RBFOX1: variants seen among roughly 807,000 people sequenced by gnomAD.
RBFOX1 encodes RNA binding fox-1 homolog 1, also known as RNA binding protein fox-1 homolog 1.
A neutral mutation model predicts 57.7 loss-of-function variants in RBFOX1; 8 were observed. That is an observed-to-expected ratio of 0.14 (90% CI 0.08 to 0.25). The LOEUF (loss-of-function observed/expected upper bound fraction) is 0.25. Among genes scored for constraint, RBFOX1 ranks in the 10% least tolerant of loss-of-function variants. The pLI is 1.00. For missense variants in RBFOX1, 611 were observed against 548.5 expected, an observed-to-expected ratio of 1.11 and a Z score of -1.14; for synonymous variants, 326 against 222.4, an observed-to-expected ratio of 1.47 and a Z score of -4.15.
At chr16:6,493,582 C>T (rs115280561) in intron 2 of RBFOX1, among the ~76,000 whole-genome samples, 2 of 152,068 alleles carry the variant, frequency 1.3e-5, no homozygotes, top group African/African-American at 4.8e-5. Context: ...GCCGAATTTC[C>T]CACTGTGAAA....
intron 4 of RBFOX1, among the ~76,000 whole-genome samples, chr16:5,878,450 A>G (rs2057673836): frequency 6.6e-6 from 1 of 152,232 alleles, no homozygotes; most frequent in Non-Finnish European, 1.5e-5. Context: ...CCATATGGCT[A>G]GTAGGCAAAG....
intron 3 of RBFOX1, among the ~76,000 whole-genome samples, chr16:6,854,654 G>T (rs1351483721): frequency 7.1e-6 from 1 of 141,682 alleles, no homozygotes; most frequent in East Asian, 2.1e-4. Context: ...GAGTGCAGTG[G>T]CGCTATCTGG....
intron 2 of RBFOX1, among the ~76,000 whole-genome samples, chr16:6,522,328 G>A (rs972626152): frequency 6.6e-6 from 1 of 152,102 alleles, no homozygotes; most frequent in Non-Finnish European, 1.5e-5. Flanking sequence ...TTCCAGAGAT[G>A]ATATTTGTTA....
chr16:6,256,301 A>G (rs150630465), intron 1 of RBFOX1, among the ~76,000 whole-genome samples: 9,483 of 135,002 alleles, frequency 0.07, 814 homozygotes, highest in African/African-American at 0.19. Flanking sequence ...ATATATATGT[A>G]TATATATATA....
At chr16:5,911,494 C>G (rs975262480) in intron 4 of RBFOX1, among the ~76,000 whole-genome samples, 2 of 152,194 alleles carry the variant, frequency 1.3e-5, no homozygotes, top group African/African-American at 4.8e-5. Flanking sequence ...TCTTTACTAA[C>G]AGAGAGCTCG....
chr16:5,259,126 G>A (rs1309499769), intron 1 of RBFOX1, among the ~76,000 whole-genome samples: 1 of 152,018 alleles, frequency 6.6e-6, no homozygotes, highest in Non-Finnish European at 1.5e-5. Context: ...TGGAAATAGT[G>A]CACATGGAGT....
At chr16:5,329,661 A>G (rs1315039132) in intron 1 of RBFOX1, among the ~76,000 whole-genome samples, 1 of 152,240 alleles carries the variant, frequency 6.6e-6, no homozygotes. Flanking sequence ...CTTATAAACA[A>G]TAGAAATTCA....
At position 6,846,010 on chromosome 16, in the gene RBFOX1, G is replaced by T. The variant is rs762733058; in HGVS notation, c.-16+191360G>T. 5.1e-4 allele frequency among the ~76,000 whole-genome samples: 77 copies of T among 152,192 alleles called. 2 individuals are homozygous for T. Among genetic ancestry groups the T allele is most frequent in the Admixed American group, 2.6e-4 (4 of 15,282 alleles). On this transcript the variant is annotated intron_variant, in intron 3 of 15. Coordinates refer to ENST00000550418, the MANE Select transcript of RBFOX1 (RefSeq NM_018723.4). ...CAATGCATCTCTGTAAAATGAACCT[G>T]TGCATCTGCTTCAGGCCATATTTCT...
chr16:7,098,407 T>A (rs1270260841), intron 4 of RBFOX1, among the ~76,000 whole-genome samples: 1 of 152,152 alleles, frequency 6.6e-6, no homozygotes, highest in African/African-American at 2.4e-5. Flanking sequence ...TGACCTCAAG[T>A]GATCCACCTG....
chr16:5,992,723 C>T (rs1274314340), intron 4 of RBFOX1, among the ~76,000 whole-genome samples: 2 of 152,152 alleles, frequency 1.3e-5, no homozygotes, highest in African/African-American at 2.4e-5. Context: ...CACCTGAGGT[C>T]AGTAGTTCAA....
rs1313630307 is a variant in RBFOX1 at position 7,096,026 on chromosome 16, AAAAG to A, written c.27+43932_27+43935del. ...AGACTCTGTCTCAAAAAAAAAAAAA[AAAAG>A]AAAAGAAAAGAAAAAATAAAACATG... On this transcript the variant is annotated intron_variant, in intron 4 of 15. Transcript: ENST00000550418. Among the ~76,000 whole-genome samples the A allele has an allele frequency of 8.0e-5, 12 of 150,152 alleles. No homozygotes were observed. In the South Asian group the frequency reaches 1.0e-3, roughly 13 times the overall value.
intron 4 of RBFOX1, among the ~76,000 whole-genome samples, chr16:7,091,543 A>G (rs2151120809): frequency 6.6e-6 from 1 of 151,966 alleles, no homozygotes; most frequent in African/African-American, 2.4e-5. Context: ...AAAAAAGAAG[A>G]AAACGAAAAT....
At chr16:5,607,928 C>T (rs147294616) in intron 3 of RBFOX1, among the ~76,000 whole-genome samples, 1 of 152,290 alleles carries the variant, frequency 6.6e-6, no homozygotes, top group Non-Finnish European at 1.5e-5. Flanking sequence ...ATCCATTCTC[C>T]CATGGATGAG....
chr16:5,457,396 A>G (rs1009826766), intron 1 of RBFOX1, among the ~76,000 whole-genome samples: 4 of 152,168 alleles, frequency 2.6e-5, no homozygotes, highest in Non-Finnish European at 5.9e-5. Context: ...CGGCCTGTCA[A>G]AGTGCTGGGA....
At chr16:5,921,468 T>A (rs927799862) in intron 4 of RBFOX1, among the ~76,000 whole-genome samples, 5 of 152,186 alleles carry the variant, frequency 3.3e-5, no homozygotes, top group African/African-American at 1.2e-4. Flanking sequence ...AAAAGAATCT[T>A]ATCTGACTTG....
intron 3 of RBFOX1, among the ~76,000 whole-genome samples, chr16:5,677,083 G>T (rs2050190119): frequency 6.6e-6 from 1 of 152,202 alleles, no homozygotes; most frequent in African/African-American, 2.4e-5. Flanking sequence ...CTGGTGGGAA[G>T]TTCTTGCTCA....
At chr16:5,640,953 C>A (rs12449096) in intron 3 of RBFOX1, among the ~76,000 whole-genome samples, 40,388 of 151,152 alleles carry the variant, frequency 0.27, 6,073 homozygotes, top group African/African-American at 0.41. Flanking sequence ...TGCATACACA[C>A]ATGCATACAC....
chr16:7,443,011 C>T (rs1282692440), intron 4 of RBFOX1, among the ~76,000 whole-genome samples: 1 of 152,184 alleles, frequency 6.6e-6, no homozygotes, highest in Non-Finnish European at 1.5e-5. Flanking sequence ...CACCATCAAA[C>T]ACTTTAATTA....
At chr16:6,869,838 C>G (rs376789758) in intron 3 of RBFOX1, among the ~76,000 whole-genome samples, 4 of 152,110 alleles carry the variant, frequency 2.6e-5, no homozygotes, top group African/African-American at 7.2e-5. Flanking sequence ...CTGACTGCTT[C>G]ACGGGAATCA....
Sources: allele counts gnomAD v4.1 joint callset (sites outside exome capture counted in the v4.1 genomes callset), GRCh38; gene constraint gnomAD v4.1.1; transcripts MANE v1.5; gene names NCBI Gene and HGNC (gene_info 2026-07-23, HGNC 2026-07-21).